The following SIM1 variants were observed in gnomAD, a reference collection of about 807,000 sequenced individuals.
SIM1 encodes SIM bHLH transcription factor 1.
Under a neutral mutation model 78.2 loss-of-function variants are expected in SIM1, and 18 were observed. The ratio of observed to expected loss-of-function variants is 0.23; its 90% CI spans 0.16 to 0.34. SIM1 has a LOEUF of 0.34. Ranked by LOEUF, SIM1 falls within the 10% of genes least tolerant of loss-of-function variation. SIM1 has a pLI of 1.00. For missense variants in SIM1, 939 were observed against 975.1 expected, an observed-to-expected ratio of 0.96 and a Z score of 0.49; for synonymous variants, 417 against 385.2, an observed-to-expected ratio of 1.08 and a Z score of -0.97.
In SIM1 at chr6:100,389,825, C is replaced by A. The variant is rs142487291; in HGVS notation, c.*536G>T. 9 of 398,302 alleles carry A rather than the reference C, an allele frequency of 2.3e-5. No homozygotes were observed. Among genetic ancestry groups the A allele is most frequent in the Non-Finnish European group, 3.5e-5 (8 of 226,028 alleles). The allele number at this position is 398,302 out of a possible 1,614,324, so 24.7% of individuals were successfully genotyped here. ...ACCAAATGAGCTGGCTGATTTGAAA[C>A]CACAAAGAAGTCAGTTTATAAGATG... On this transcript the variant is annotated 3_prime_UTR_variant, in exon 12 of 12. Coordinates refer to ENST00000369208, the MANE Select transcript of SIM1 (RefSeq NM_005068.3).
At chr6:100,434,313 G>A (rs1414834979) in intron 9 of SIM1, among the ~76,000 whole-genome samples, 1 of 152,160 alleles carries the variant, frequency 6.6e-6, no homozygotes, top group Non-Finnish European at 1.5e-5. Context: ...CACTACGCCA[G>A]GACTGTGGTA....
In SIM1 at chr6:100,391,053, G is replaced by T. The variant is rs748694103; in HGVS notation, c.1609C>A (p.Pro537Thr). Residue 537 changes from proline to threonine, a missense_variant, in exon 12 of 12, where the codon CCA becomes ACA. Around this residue, in one of 5 missense-constraint regions of SIM1, gnomAD observed 556 missense variants for 521.9 expected, o/e 1.07. Coordinates refer to ENST00000369208, the MANE Select transcript of SIM1 (RefSeq NM_005068.3). Reference protein sequence around the residue: ...HWDEDSVVSSPDPGSASESGD... With the variant: ...HWDEDSVVSSTDPGSASESGD... ...GATTCACTGGCCGACCCAGGGTCTG[G>T]AGAACTGACCACACTATCTTCATCC... 2 of 1,613,658 alleles carry T rather than the reference G, an allele frequency of 1.2e-6. No individual in the cohort carries two copies. Among genetic ancestry groups the T allele is most frequent in the Non-Finnish European group, 1.7e-6 (2 of 1,179,864 alleles).
intron 10 of SIM1, among the ~76,000 whole-genome samples, chr6:100,401,623 A>G (rs1770918804): frequency 6.6e-6 from 1 of 152,090 alleles, no homozygotes; most frequent in African/African-American, 2.4e-5. Context: ...AAAAAATGAT[A>G]AAGCAAATGT....
intron 2 of SIM1, among the ~76,000 whole-genome samples, chr6:100,461,738 T>C (rs890146728): frequency 6.6e-6 from 1 of 152,192 alleles, no homozygotes; most frequent in Non-Finnish European, 1.5e-5. Flanking sequence ...TGTGGTATAA[T>C]GGTAATTATC....
At position 100,390,738 on chromosome 6, in the gene SIM1, T is replaced by C. The variant is rs780638940; in HGVS notation, c.1924A>G (p.Ser642Gly). The C allele has an allele frequency of 6.2e-7, 1 of 1,614,138 alleles. No homozygotes were observed. Among genetic ancestry groups the C allele is most frequent in the Non-Finnish European group, 8.5e-7 (1 of 1,180,030 alleles). ...HIQQREGKML[S>G]PHENDYDNSP... is the part of the protein sequence containing the mutation. Reference sequence around the variant, plus strand: ...TTGTCATAGTCATTTTCATGGGGGCTCAACATTTTTCCCTCTCTCTGCTGG... The same window carrying C: ...TTGTCATAGTCATTTTCATGGGGGCCCAACATTTTTCCCTCTCTCTGCTGG... Residue 642 changes from serine (S) to glycine (G), a missense_variant, in exon 12 of 12, where the codon AGC (serine) becomes GGC (glycine). Physicochemically the swap from Ser to Gly is moderately conservative, Grantham distance 56. Coordinates refer to ENST00000369208, the MANE Select transcript of SIM1 (RefSeq NM_005068.3).
intron 10 of SIM1, among the ~76,000 whole-genome samples, chr6:100,407,461 G>T (rs1368447266): frequency 6.6e-6 from 1 of 151,744 alleles, no homozygotes; most frequent in Non-Finnish European, 1.5e-5. Flanking sequence ...TTTCCTTCAG[G>T]TATATAAGAA....
chr6:100,450,399 A>G, intron 3 of SIM1, 43 bp from the exon 4 acceptor site: 1 of 1,546,098 alleles, frequency 6.5e-7, no homozygotes, highest in Non-Finnish European at 8.9e-7. Context: ...CCTCTGGGCC[A>G]TCTGGAGAAA....
chr6:100,399,724 G>C (rs1181644546), intron 10 of SIM1, among the ~76,000 whole-genome samples: 1 of 152,024 alleles, frequency 6.6e-6, no homozygotes, highest in Non-Finnish European at 1.5e-5. Context: ...AATGCATTCA[G>C]TAAGTATTAA....
chr6:100,450,696 T>TCTCTCTCTCTCTCACACACACA (rs1421452803), intron 3 of SIM1, among the ~76,000 whole-genome samples: 29 of 91,928 alleles, frequency 3.2e-4, no homozygotes, highest in Middle Eastern at 6.2e-3. Context: ...TCTCTCTCTC[T>TCTCTCTCTCTCTCACACACACA]CACACACACA....
chr6:100,436,743 T>TTA (rs1772061993), intron 9 of SIM1, among the ~76,000 whole-genome samples: 1 of 71,324 alleles, frequency 1.4e-5, no homozygotes, highest in Non-Finnish European at 2.9e-5. Context: ...GTTTTTGGTA[T>TTA]TTTTTTTTTT....
rs1166174376 is a variant in SIM1, at chr6:100,388,160, A to T, written c.*2201T>A. On this transcript the variant is annotated 3_prime_UTR_variant, in exon 12 of 12. Transcript: ENST00000369208. ...AATACTCTTTTTTGTATAATTCAAA[A>T]CTTAGTTTTTATTGTATGGTCACCC... 1 of 152,138 alleles carries T rather than the reference A, an allele frequency of 6.6e-6. No homozygotes were observed. Among genetic ancestry groups the T allele is most frequent in the Non-Finnish European group, 1.5e-5 (1 of 68,008 alleles). 9.4% of individuals were successfully genotyped at this position (152,138 alleles called of 1,614,324 possible). A position where few individuals can be genotyped will look rare whatever the true frequency, so the allele number is the denominator to read the frequency against.
rs1562228761 is a variant in SIM1, at chr6:100,389,581, A to G, written c.*780T>C. Reference sequence around the variant, plus strand: ...GCCTCTGGCCTTTCCATATTCATAGAACTACTTCCAATTGAGCACTCCAGG... The same window carrying G: ...GCCTCTGGCCTTTCCATATTCATAGGACTACTTCCAATTGAGCACTCCAGG... On this transcript the variant is annotated 3_prime_UTR_variant, in exon 12 of 12. Transcript: ENST00000369208. 1.0e-5 allele frequency: 4 copies of G among 398,912 alleles called. No individual in the cohort carries two copies. The highest frequency in any genetic ancestry group is 1.3e-5 in the Non-Finnish European group (3 of 225,984). 24.7% of individuals were successfully genotyped at this position (398,912 alleles called of 1,614,324 possible). A position where few individuals can be genotyped will look rare whatever the true frequency, so the allele number is the denominator to read the frequency against.
chr6:100,397,661 A>C (rs1284925916), intron 10 of SIM1, among the ~76,000 whole-genome samples: 1 of 152,146 alleles, frequency 6.6e-6, no homozygotes, highest in East Asian at 1.9e-4. Context: ...CATAAAAGAA[A>C]AAAAAAGATA....
chr6:100,408,625 A>G (rs1771111775), intron 10 of SIM1, among the ~76,000 whole-genome samples: 1 of 152,036 alleles, frequency 6.6e-6, no homozygotes, highest in Non-Finnish European at 1.5e-5. Context: ...TCATGAAAGG[A>G]TGTTGAATTT....
chr6:100,401,830 G>T (rs1432006842), intron 10 of SIM1, among the ~76,000 whole-genome samples: 2 of 152,088 alleles, frequency 1.3e-5, no homozygotes, highest in African/African-American at 4.8e-5. Context: ...ATGGAAACTT[G>T]TTTTAATAAA....
At chr6:100,413,001 T>C (rs1363710057) in intron 10 of SIM1, among the ~76,000 whole-genome samples, 1 of 152,176 alleles carries the variant, frequency 6.6e-6, no homozygotes, top group East Asian at 1.9e-4. Flanking sequence ...CTAGGGGCTA[T>C]TGGTTCTCTC....
At chr6:100,447,507 C>T (rs1772387013) in intron 8 of SIM1, 92 bp from the exon 9 acceptor site, 2 of 1,419,032 alleles carry the variant, frequency 1.4e-6, no homozygotes, top group East Asian at 2.4e-5. Context: ...TGAGGGCTCC[C>T]TGTGGGCCCT....
At chr6:100,405,981 G>T (rs937220204) in intron 10 of SIM1, among the ~76,000 whole-genome samples, 1 of 152,154 alleles carries the variant, frequency 6.6e-6, no homozygotes, top group Admixed American at 6.5e-5. Flanking sequence ...AAATCCAAAG[G>T]TGATGTCTTA....
intron 9 of SIM1, among the ~76,000 whole-genome samples, chr6:100,436,989 G>T (rs893487997): frequency 1.3e-5 from 2 of 152,022 alleles, no homozygotes; most frequent in Non-Finnish European, 2.9e-5. Flanking sequence ...ACCTACCTCA[G>T]CCTCTCAAAG....
Sources: gnomAD v4.1 joint callset for allele counts (sites outside exome capture counted in the v4.1 genomes callset) on GRCh38, gnomAD v4.1.1 for gene constraint, gnomAD v4.1.1 regional missense constraint, MANE v1.5 for transcripts, NCBI Gene and HGNC (gene_info 2026-07-23, HGNC 2026-07-21) for gene names.